Variants in TENM1 observed in about 807,000 individuals in gnomAD.
TENM1 encodes the protein teneurin-1.
Under a neutral mutation model 174.8 loss-of-function variants are expected in TENM1, and 35 were observed. The observed-to-expected ratio is 0.20, with a 90% CI of 0.15 to 0.27. TENM1 has a LOEUF of 0.27. Ranked by LOEUF, TENM1 falls within the 10% of genes least tolerant of loss-of-function variation. The pLI is 1.00. For missense variants in TENM1, 1,633 were observed against 2,130.1 expected (o/e 0.77, Z 4.59); for synonymous variants, 781 against 798.7 (o/e 0.98, Z 0.37).
At chrX:124,679,007 A>T (rs2052162219) in intron 5 of TENM1, among the ~76,000 whole-genome samples, 1 of 111,689 alleles carries the variant, frequency 9.0e-6, no homozygotes, top group African/African-American at 3.2e-5. Context: ...GACAAATGTA[A>T]CTTTGCTTTC....
chrX:124,694,271 T>C (rs1235639364), intron 5 of TENM1, among the ~76,000 whole-genome samples: 1 of 111,767 alleles, frequency 8.9e-6, no homozygotes, highest in Non-Finnish European at 1.9e-5. Context: ...TTCTTCTTTT[T>C]AATGGGAGTA....
At chrX:124,602,326 T>C (rs1403948607) in intron 11 of TENM1, among the ~76,000 whole-genome samples, 1 of 111,127 alleles carries the variant, frequency 9.0e-6, no homozygotes. Context: ...TGGAAGTTTC[T>C]GCTGTCAAAA....
intron 1 of TENM1, among the ~76,000 whole-genome samples, chrX:124,913,224 G>GA (rs1263386799): frequency 1.3e-4 from 14 of 110,405 alleles, no homozygotes; most frequent in Admixed American, 3.9e-4. Context: ...CAAATATAAA[G>GA]AAAAAAACGA....
chrX:124,725,670 G>A (rs1053528383), intron 4 of TENM1, among the ~76,000 whole-genome samples: 2 of 112,153 alleles, frequency 1.8e-5, no homozygotes, highest in African/African-American at 6.5e-5. Flanking sequence ...ACATTTTTGT[G>A]TTATGGAGTT....
chrX:124,596,149 T>C (rs1818699967), intron 11 of TENM1, among the ~76,000 whole-genome samples: 1 of 112,213 alleles, frequency 8.9e-6, no homozygotes, highest in Admixed American at 9.5e-5. Flanking sequence ...GATTTCTGAA[T>C]GACACAAAAT....
Position 124,851,271 on chromosome X carries a change from T to A in TENM1, c.535+43025A>T, listed in dbSNP as rs779842111. ...TCTCTGTATGTTGGGCACTGCCCTA[T>A]GCATTTACATCCCTTATCTCAGTCC... On this transcript the variant is annotated intron_variant, in intron 3 of 31. Coordinates refer to ENST00000422452, the Ensembl canonical transcript of TENM1. Among the ~76,000 whole-genome samples, 4 of 111,840 alleles carry A rather than the reference T, an allele frequency of 3.6e-5. No individual in the cohort carries two copies. In the East Asian group the frequency reaches 1.1e-3, roughly 32 times the overall value.
At chrX:124,587,527 C>T (rs1368904347) in intron 11 of TENM1, among the ~76,000 whole-genome samples, 1 of 111,253 alleles carries the variant, frequency 9.0e-6, no homozygotes, top group Non-Finnish European at 1.9e-5. Flanking sequence ...ACACCTTATA[C>T]AAAAACTAAT....
At chrX:125,122,636 G>A in the TENM1 span, among the ~76,000 whole-genome samples, 1 of 109,698 alleles carries the variant, frequency 9.1e-6, no homozygotes, top group Non-Finnish European at 1.9e-5. Context: ...TCCTTTCCAT[G>A]CATTATACTA....
chrX:124,814,809 C>T (rs1039738999), intron 3 of TENM1, among the ~76,000 whole-genome samples: 9 of 111,689 alleles, frequency 8.1e-5, no homozygotes, highest in Admixed American at 5.7e-4. Context: ...AGGAATAATT[C>T]CAGTTCCTGA....
At chrX:124,996,549 C>CCACACA in the TENM1 span, among the ~76,000 whole-genome samples, 6 of 96,146 alleles carry the variant, frequency 6.2e-5, no homozygotes, top group East Asian at 9.4e-4. Context: ...AAAAAAAAAA[C>CCACACA]CACACACACA....
intron 3 of TENM1, among the ~76,000 whole-genome samples, chrX:124,781,440 A>T (rs1039821979): frequency 6.3e-5 from 7 of 111,877 alleles, no homozygotes; most frequent in African/African-American, 2.0e-4. Flanking sequence ...CCTCAGATAG[A>T]TTAAAAACTC....
At chrX:124,676,313 T>TAC (rs2052084417) in intron 5 of TENM1, among the ~76,000 whole-genome samples, 1 of 52,008 alleles carries the variant, frequency 1.9e-5, no homozygotes, top group Admixed American at 2.9e-4. Flanking sequence ...TATATATATA[T>TAC]ACTCAATGAA....
intron 31 of TENM1, 74 bp downstream of exon 34, chrX:124,382,596 G>C (rs773923304): frequency 9.1e-6 from 9 of 993,773 alleles, no homozygotes; most frequent in Non-Finnish European, 1.2e-5. Flanking sequence ...GCAAACATAT[G>C]TATATATAAT....
chrX:124,879,798 T>C (rs2057272749), intron 3 of TENM1, among the ~76,000 whole-genome samples: 1 of 112,426 alleles, frequency 8.9e-6, no homozygotes, highest in Non-Finnish European at 1.9e-5. Context: ...TTTGTCTTTT[T>C]AATAACAGCT....
At chrX:124,996,627 T>C in the TENM1 span, among the ~76,000 whole-genome samples, 2 of 110,109 alleles carry the variant, frequency 1.8e-5, no homozygotes, top group African/African-American at 3.3e-5. Context: ...TTCAACCCTA[T>C]ATTTTATTCA....
Position 124,381,188 on chromosome X carries a change from C to A in TENM1, c.7547G>T (p.Gly2516Val), listed in dbSNP as rs143607255. The change falls in exon 32 of 32, where the codon GGA becomes GTA. Residue 2516 changes from glycine (G) to valine (V), a missense_variant. This residue lies in a region of TENM1 where 807 missense variants were observed against 1,125.3 expected (regional missense o/e 0.72). Transcript: ENST00000422452. ...AGCAGCAAACCTTGGTTGCTTCCCT[C>A]CTTCAAGGCACCGTCCATCATTGTA... 26 of 1,207,888 alleles carry A rather than the reference C, an allele frequency of 2.2e-5. No individual in the cohort carries two copies. In the African/African-American group the frequency reaches 4.4e-4, roughly 20 times the overall value.
the TENM1 span, among the ~76,000 whole-genome samples, chrX:124,978,197 T>G: frequency 9.0e-6 from 1 of 111,673 alleles, no homozygotes; most frequent in Non-Finnish European, 1.9e-5. Flanking sequence ...TCATAATTTC[T>G]ACTTCTTTCT....
the TENM1 span, among the ~76,000 whole-genome samples, chrX:125,046,028 A>C: frequency 9.2e-6 from 1 of 109,059 alleles, no homozygotes; most frequent in Non-Finnish European, 1.9e-5. Flanking sequence ...GAAAAGCAAA[A>C]TATTGAAAGA....
At chrX:125,148,822 T>C in the TENM1 span, among the ~76,000 whole-genome samples, 1 of 111,798 alleles carries the variant, frequency 8.9e-6, no homozygotes. Flanking sequence ...AAATATGTCA[T>C]CATTTCCATT....
Sources: allele counts gnomAD v4.1 joint callset (sites outside exome capture counted in the v4.1 genomes callset), GRCh38; gene constraint gnomAD v4.1.1; regional missense constraint gnomAD v4.1.1; transcripts MANE v1.5; gene names NCBI Gene and HGNC (gene_info 2026-07-23, HGNC 2026-07-21).